SLC6A15: variants seen among roughly 807,000 people sequenced by gnomAD.
SLC6A15 encodes the protein sodium-dependent neutral amino acid transporter B(0)AT2.
Under a neutral mutation model 68.5 loss-of-function variants are expected in SLC6A15, and 33 were observed. The ratio of observed to expected loss-of-function variants is 0.48; its 90% CI spans 0.37 to 0.64. The LOEUF (loss-of-function observed/expected upper bound fraction) is 0.64. Among genes scored for constraint, SLC6A15 ranks in the 30% least tolerant of loss-of-function variants. The pLI is 0.00. For synonymous variants in SLC6A15, 347 were observed against 301.0 expected, an observed-to-expected ratio of 1.15 and a Z score of -1.58; for missense variants, 747 against 874.3, an observed-to-expected ratio of 0.85 and a Z score of 1.84.
chr12:84,881,375 G>A (rs1345928223), intron 5 of SLC6A15: 1 of 825,678 alleles, frequency 1.2e-6, no homozygotes, highest in Non-Finnish European at 1.5e-6. Context: ...TCATAGTTTT[G>A]CTCTCTATGG....
rs5799712 is a variant in SLC6A15 at position 84,892,141 on chromosome 12, TA to T, written c.-22del. ...GGCATTGGAGAGTATGCGAAGTATT[TA>T]AAAAAAAAAAAAAAAACTCCCTTAT... On this transcript the variant is annotated 5_prime_UTR_variant, in exon 2 of 12. Coordinates refer to ENST00000266682, the MANE Select transcript of SLC6A15 (RefSeq NM_182767.6). 203,652 of 1,315,696 alleles carry T rather than the reference TA, an allele frequency of 0.15. 1,349 individuals carry two copies. The highest frequency in any genetic ancestry group is 0.28 in the South Asian group (17,493 of 62,942). The allele number at this position is 1,315,696 out of a possible 1,614,324, so 81.5% of individuals were successfully genotyped here. A position where few individuals can be genotyped will look rare whatever the true frequency, so the allele number is the denominator to read the frequency against.
intron 1 of SLC6A15, among the ~76,000 whole-genome samples, chr12:84,910,588 G>A (rs745435605): frequency 7.2e-5 from 11 of 152,174 alleles, no homozygotes; most frequent in Non-Finnish European, 1.5e-4. Flanking sequence ...AGGGGTTCGA[G>A]CTGTGAGAAA....
In SLC6A15 at chr12:84,876,593, A is replaced by C; in HGVS notation, c.771T>G (p.Ser257Arg). 6.5e-7 allele frequency: 1 copy of C among 1,534,482 alleles called. No homozygotes were observed. The highest frequency in any genetic ancestry group is 1.2e-5 in the South Asian group (1 of 82,780). The change falls in exon 6 of 12, where the codon AGT becomes AGG. Residue 257 changes from serine to arginine, a missense_variant. Physicochemically the swap from Ser to Arg is moderately radical, Grantham distance 110. Transcript: ENST00000266682. ...TAAGTACCACATATGGAAACAGAGA[A>C]CTAAAATATATGATCTGCAAAGAAA... ...IQSSGKIIYF[S>R]SLFPYVVLIC...
intron 1 of SLC6A15, among the ~76,000 whole-genome samples, chr12:84,909,619 A>G (rs1873343406): frequency 6.6e-6 from 1 of 152,196 alleles, no homozygotes; most frequent in Admixed American, 6.5e-5. Flanking sequence ...CTATCTGCTG[A>G]GAAACCATTT....
At position 84,883,640 on chromosome 12, in the gene SLC6A15, GATTATA is replaced by G. The variant is rs1252119067; in HGVS notation, c.756+213_756+218del. On this transcript the variant is annotated intron_variant, in intron 5 of 11. Coordinates refer to ENST00000266682, the MANE Select transcript of SLC6A15 (RefSeq NM_182767.6). ...TAAAGATCTTGTTGAAATAAGGAAA[GATTATA>G]ATTAACCTTAGATTTCACTATAAAA... The G allele has an allele frequency of 5.6e-5, 81 of 1,449,062 alleles. No individual in the cohort carries two copies. The Admixed American group carries it at 2.1e-3, about 37-fold the overall frequency. 89.8% of individuals were successfully genotyped at this position (1,449,062 alleles called of 1,614,324 possible). A position where few individuals can be genotyped will look rare whatever the true frequency, so the allele number is the denominator to read the frequency against.
chr12:84,891,147 T>C (rs1020051404), intron 2 of SLC6A15, among the ~76,000 whole-genome samples: 2 of 152,170 alleles, frequency 1.3e-5, no homozygotes, highest in Non-Finnish European at 2.9e-5. Context: ...TAAATATTAA[T>C]AGCAAGAATA....
intron 1 of SLC6A15, among the ~76,000 whole-genome samples, 152 bp from the exon 2 acceptor site, chr12:84,892,460 A>G (rs1872455859): frequency 1.3e-5 from 2 of 152,312 alleles, no homozygotes; most frequent in Non-Finnish European, 2.9e-5. Context: ...TATTCCCGTA[A>G]GTATAAGAAT....
chr12:84,888,055 C>T (rs1164021104), intron 2 of SLC6A15, among the ~76,000 whole-genome samples: 2 of 151,208 alleles, frequency 1.3e-5, no homozygotes, highest in African/African-American at 4.9e-5. Context: ...GTGAGACGCC[C>T]CCCGTCTCTA....
chr12:84,891,923 A>G lies in SLC6A15; in HGVS notation c.198T>C (p.Ser66=), dbSNP rs369476868. The change falls in exon 2 of 12, where the codon AGT becomes AGC. Residue 66 remains serine, a synonymous_variant. Coordinates refer to ENST00000266682, the MANE Select transcript of SLC6A15 (RefSeq NM_182767.6). ...CTTGGGCCAGGATGTATTGTAGTTT[A>G]CTGTTCCAAGCTGGTCTTTCATCTT... ...EVEDERPAWN[S]KLQYILAQVG... The G allele has an allele frequency of 4.3e-6, 7 of 1,613,904 alleles. No homozygotes were observed. The highest frequency in any genetic ancestry group is 5.9e-6 in the Non-Finnish European group (7 of 1,179,976).
chr12:84,876,596 A>G lies in SLC6A15; in HGVS notation c.768T>C (p.Phe256=). The change falls in exon 6 of 12, where the codon TTT becomes TTC. Residue 256 remains phenylalanine, a synonymous_variant. Coordinates refer to ENST00000266682, the MANE Select transcript of SLC6A15 (RefSeq NM_182767.6). ...GTACCACATATGGAAACAGAGAACT[A>G]AAATATATGATCTGCAAAGAAATAA... ...GIQSSGKIIY[F]SSLFPYVVLI... The G allele has an allele frequency of 6.6e-7, 1 of 1,516,286 alleles. No homozygotes were observed. Among genetic ancestry groups the G allele is most frequent in the African/African-American group, 1.4e-5 (1 of 71,952 alleles). 93.9% of individuals were successfully genotyped at this position (1,516,286 alleles called of 1,614,324 possible). A position where few individuals can be genotyped will look rare whatever the true frequency, so the allele number is the denominator to read the frequency against.
chr12:84,906,415 T>C (rs1873156411), intron 1 of SLC6A15, among the ~76,000 whole-genome samples: 1 of 152,160 alleles, frequency 6.6e-6, no homozygotes, highest in Non-Finnish European at 1.5e-5. Context: ...TCAGTGACAT[T>C]TTTCTACAAA....
At chr12:84,889,481 A>G (rs1023361260) in intron 2 of SLC6A15, among the ~76,000 whole-genome samples, 3 of 148,186 alleles carry the variant, frequency 2.0e-5, no homozygotes, top group Non-Finnish European at 4.5e-5. Flanking sequence ...GCAAAAGAGC[A>G]AGACTCGGTC....
At chr12:84,868,809 T>C (rs2120555154) in intron 9 of SLC6A15, among the ~76,000 whole-genome samples, 1 of 152,320 alleles carries the variant, frequency 6.6e-6, no homozygotes, top group African/African-American at 2.4e-5. Flanking sequence ...ATTTTCCCTT[T>C]ACACTGTTAC....
At chr12:84,881,095 G>A (rs559805657) in intron 5 of SLC6A15, 2 of 156,186 alleles carry the variant, frequency 1.3e-5, no homozygotes, top group South Asian at 4.1e-4. Context: ...AGTAACAACA[G>A]GAAAGTAGTC....
intron 1 of SLC6A15, among the ~76,000 whole-genome samples, chr12:84,895,919 CAA>C (rs1411397379): frequency 6.6e-6 from 1 of 151,864 alleles, no homozygotes; most frequent in African/African-American, 2.4e-5. Flanking sequence ...AAAAGAAAAT[CAA>C]AAGAGAGGTT....
At chr12:84,893,008 A>G (rs1872484977) in intron 1 of SLC6A15, among the ~76,000 whole-genome samples, 1 of 152,148 alleles carries the variant, frequency 6.6e-6, no homozygotes. Context: ...TTGCCTAGGC[A>G]GATCTCGAAC....
intron 8 of SLC6A15, 82 bp downstream of exon 8, chr12:84,872,520 C>T: frequency 8.3e-7 from 1 of 1,198,376 alleles, no homozygotes; most frequent in South Asian, 1.6e-5. Flanking sequence ...TTTTAAGGCC[C>T]TTTTCCTGAA....
rs140292196 is a variant in SLC6A15 at position 84,900,821 on chromosome 12, T to C, written c.-188-8513A>G. On this transcript the variant is annotated intron_variant, in intron 1 of 11. Transcript: ENST00000266682. ...TCAAGATGAATTACTTTTTAATATA[T>C]CACTAAAATAAATCTGCTATATTTT... is the stretch of plus-strand genomic sequence containing the variant. Among the ~76,000 whole-genome samples the C allele has an allele frequency of 8.9e-4, 135 of 151,570 alleles. 3 individuals are homozygous for C. In the East Asian group the frequency reaches 0.024, roughly 27 times the overall value.
At chr12:84,886,225 AT>A (rs759452550) in intron 2 of SLC6A15, among the ~76,000 whole-genome samples, 157 bp from the exon 3 acceptor site, 2 of 152,160 alleles carry the variant, frequency 1.3e-5, no homozygotes, top group Non-Finnish European at 2.9e-5. Context: ...CACTTTCTAG[AT>A]TCTGAAACTT....
Sources: gnomAD v4.1 joint callset for allele counts (sites outside exome capture counted in the v4.1 genomes callset) on GRCh38, gnomAD v4.1.1 for gene constraint, MANE v1.5 for transcripts, NCBI Gene and HGNC (gene_info 2026-07-23, HGNC 2026-07-21) for gene names.